CNTN3: variants seen among roughly 807,000 people sequenced by gnomAD.
The protein encoded by CNTN3 is contactin-3.
In CNTN3, 60 loss-of-function variants were observed where a neutral mutation model predicts 119.1. That is an observed-to-expected ratio of 0.50 (90% confidence interval 0.41 to 0.62). CNTN3 has a LOEUF of 0.62. Among genes scored for constraint, CNTN3 ranks in the 20% least tolerant of loss-of-function variants. The pLI is 0.00. For synonymous variants in CNTN3, 450 were observed against 438.7 expected, an observed-to-expected ratio of 1.03 and a Z score of -0.32; for missense variants, 1,101 against 1,242.4, an observed-to-expected ratio of 0.89 and a Z score of 1.71.
At chr3:74,602,431 T>A (rs1279979506) in intron 1 of CNTN3, among the ~76,000 whole-genome samples, 6 of 152,076 alleles carry the variant, frequency 3.9e-5, no homozygotes, top group Admixed American at 6.6e-5. Context: ...GGGGGGCTTT[T>A]TTCTACATAG....
intron 1 of CNTN3, among the ~76,000 whole-genome samples, chr3:74,603,615 C>A (rs190288783): frequency 4.1e-4 from 63 of 152,170 alleles, no homozygotes; most frequent in African/African-American, 1.5e-3. Flanking sequence ...CATTTTTAAG[C>A]AGTTACTTAC....
At position 74,464,949 on chromosome 3, in the gene CNTN3, C is replaced by T. The variant is rs150257775; in HGVS notation, c.358+21507G>A. ...AGTTGGTGCTACACACTTTCTATGG[C>T]ATCAAATCAAGAGGCACCTAAATTT... On this transcript the variant is annotated intron_variant, in intron 4 of 22. Transcript: ENST00000263665. Among the ~76,000 whole-genome samples, 312 of 152,236 alleles carry T rather than the reference C, an allele frequency of 2.0e-3. 1 individual carries two copies. The highest frequency in any genetic ancestry group is 7.1e-3 in the African/African-American group (296 of 41,560).
intron 20 of CNTN3, among the ~76,000 whole-genome samples, chr3:74,269,440 T>A (rs1186426108): frequency 6.6e-6 from 1 of 152,168 alleles, no homozygotes; most frequent in Non-Finnish European, 1.5e-5. Context: ...ATGCTATTAT[T>A]AGTAACTAAT....
At chr3:74,565,251 C>T (rs970681137) in intron 1 of CNTN3, among the ~76,000 whole-genome samples, 4 of 152,200 alleles carry the variant, frequency 2.6e-5, no homozygotes, top group South Asian at 2.1e-4. Flanking sequence ...AGCCACTCTT[C>T]TCCTGTAGGC....
intron 1 of CNTN3, among the ~76,000 whole-genome samples, chr3:74,602,519 T>C (rs1013231443): frequency 7.9e-5 from 12 of 151,972 alleles, no homozygotes; most frequent in Admixed American, 2.0e-4. Context: ...CTCTCAGCTT[T>C]AGTGGTTTGG....
At chr3:74,342,330 G>A (rs2106727162) in intron 11 of CNTN3, among the ~76,000 whole-genome samples, 1 of 152,216 alleles carries the variant, frequency 6.6e-6, no homozygotes, top group South Asian at 2.1e-4. Flanking sequence ...AATAGTATTA[G>A]CGTTTTTATT....
In CNTN3 at chr3:74,614,386, C is replaced by T. The variant is rs1479122691; in HGVS notation, c.-81+5G>A. Among the ~76,000 whole-genome samples the T allele has an allele frequency of 6.6e-6, 1 of 151,556 alleles. No individual in the cohort carries two copies. The highest frequency in any genetic ancestry group is 6.6e-5 in the Admixed American group (1 of 15,224). On this transcript the variant is annotated splice_donor_5th_base_variant and intron_variant, in intron 1 of 22. Transcript: ENST00000263665. ...GGCGCCAGGAGTCGGGCATCCCGGA[C>T]TTACCTGGTCTCTGCAGCTCGCCAG...
chr3:74,461,408 T>C (rs977716086), intron 4 of CNTN3, among the ~76,000 whole-genome samples: 5 of 152,106 alleles, frequency 3.3e-5, no homozygotes, highest in African/African-American at 1.2e-4. Flanking sequence ...TCTTTTAACT[T>C]GTTCTTCTAT....
chr3:74,451,132 A>G (rs941889716), intron 4 of CNTN3, among the ~76,000 whole-genome samples: 8 of 152,172 alleles, frequency 5.3e-5, no homozygotes, highest in African/African-American at 1.7e-4. Context: ...TCCCACCAAC[A>G]GTGTCAAAGT....
At chr3:74,552,347 G>A (rs1037557129) in intron 1 of CNTN3, among the ~76,000 whole-genome samples, 1 of 152,164 alleles carries the variant, frequency 6.6e-6, no homozygotes, top group African/African-American at 2.4e-5. Flanking sequence ...TTCGGAAAGA[G>A]TATGCCTCAT....
At chr3:74,264,629 A>G (rs2106736522) in intron 22 of CNTN3, 128 bp from the exon 23 acceptor site, 1 of 522,188 alleles carries the variant, frequency 1.9e-6, no homozygotes, top group South Asian at 4.1e-5. Context: ...ATGTCAGAGT[A>G]TTAGGAGGTG....
chr3:74,364,435 A>C, intron 10 of CNTN3, 32 bp downstream of exon 10: 1 of 1,592,068 alleles, frequency 6.3e-7, no homozygotes, highest in East Asian at 2.2e-5. Context: ...AAGACAAAAA[A>C]TTAAGAGAAG....
chr3:74,580,205 G>T (rs187545722), intron 1 of CNTN3, among the ~76,000 whole-genome samples: 3 of 152,268 alleles, frequency 2.0e-5, no homozygotes, highest in Admixed American at 2.0e-4. Flanking sequence ...AGGTAAAGTA[G>T]AACATCAAAA....
chr3:74,335,420 C>T (rs1213558278), intron 12 of CNTN3, among the ~76,000 whole-genome samples: 1 of 151,988 alleles, frequency 6.6e-6, no homozygotes, highest in African/African-American at 2.4e-5. Context: ...TCTGTTTTTC[C>T]CCAACGCAAA....
intron 1 of CNTN3, among the ~76,000 whole-genome samples, chr3:74,528,743 A>C: frequency 6.6e-6 from 1 of 151,910 alleles, no homozygotes; most frequent in East Asian, 1.9e-4. Context: ...TATTTTATGT[A>C]TTTTCAAAGG....
At chr3:74,554,174 A>T (rs995034256) in intron 1 of CNTN3, among the ~76,000 whole-genome samples, 3 of 152,166 alleles carry the variant, frequency 2.0e-5, no homozygotes, top group Non-Finnish European at 4.4e-5. Flanking sequence ...TTAAATAGGG[A>T]ATCTTTTCCC....
intron 13 of CNTN3, among the ~76,000 whole-genome samples, chr3:74,334,261 T>C (rs1703336003): frequency 6.6e-6 from 1 of 152,152 alleles, no homozygotes; most frequent in South Asian, 2.1e-4. Context: ...CCTCAGTTTG[T>C]GCACCTGTAC....
intron 1 of CNTN3, among the ~76,000 whole-genome samples, chr3:74,542,583 A>G (rs1703857182): frequency 6.6e-6 from 1 of 152,234 alleles, no homozygotes; most frequent in Non-Finnish European, 1.5e-5. Flanking sequence ...AACATTAACT[A>G]TTCAGCTAAG....
chr3:74,379,993 T>C (rs72894367), intron 5 of CNTN3, among the ~76,000 whole-genome samples: 5,329 of 152,308 alleles, frequency 0.035, 311 homozygotes, highest in African/African-American at 0.12. Context: ...AGCCTCAAGC[T>C]TGCAGTTCCT....
Sources: gnomAD v4.1 joint callset for allele counts (sites outside exome capture counted in the v4.1 genomes callset) on GRCh38, gnomAD v4.1.1 for gene constraint, MANE v1.5 for transcripts, NCBI Gene and HGNC (gene_info 2026-07-23, HGNC 2026-07-21) for gene names.